RAB8B: variants seen among roughly 807,000 people sequenced by gnomAD.
RAB8B encodes ras-related protein Rab-8B.
RAB8B carries 11 observed loss-of-function variants against 32.0 expected under a neutral mutation model. The observed-to-expected ratio is 0.34, with a 90% CI of 0.22 to 0.57. RAB8B has a LOEUF of 0.57. RAB8B is among the 20% of genes least tolerant of loss of function. The pLI is 0.86. For missense variants in RAB8B, 190 were observed against 258.5 expected, an observed-to-expected ratio of 0.73 and a Z score of 1.82; for synonymous variants, 103 against 89.6, an observed-to-expected ratio of 1.15 and a Z score of -0.85.
chr15:63,249,204 C>T (rs964597970), intron 2 of RAB8B, among the ~76,000 whole-genome samples: 2 of 152,030 alleles, frequency 1.3e-5, no homozygotes, highest in Non-Finnish European at 2.9e-5. Flanking sequence ...GTAATAAGTC[C>T]AGCTCGATTG....
intron 1 of RAB8B, among the ~76,000 whole-genome samples, chr15:63,232,038 G>A (rs1000497558): frequency 2.0e-5 from 3 of 152,144 alleles, no homozygotes; most frequent in African/African-American, 7.2e-5. Flanking sequence ...AATCTCTGCT[G>A]GCTCCTTAAT....
chr15:63,243,945 G>A (rs1349851442), intron 1 of RAB8B, among the ~76,000 whole-genome samples: 1 of 152,142 alleles, frequency 6.6e-6, no homozygotes, highest in African/African-American at 2.4e-5. Flanking sequence ...AGAAAATGTA[G>A]GAGGAGCAGG....
At chr15:63,253,884 A>G (rs16946700) in intron 3 of RAB8B, among the ~76,000 whole-genome samples, 6,749 of 152,248 alleles carry the variant, frequency 0.044, 238 homozygotes, top group East Asian at 0.18. Flanking sequence ...GGGTTGTATT[A>G]CTTTCACCAA....
intron 1 of RAB8B, among the ~76,000 whole-genome samples, chr15:63,240,651 G>T (rs1042962180): frequency 6.6e-6 from 1 of 151,374 alleles, no homozygotes; most frequent in Non-Finnish European, 1.5e-5. Context: ...TGCAGCCGTT[G>T]TCTGTCAGTT....
chr15:63,232,928 T>G (rs2037947204), intron 1 of RAB8B, among the ~76,000 whole-genome samples: 1 of 142,538 alleles, frequency 7.0e-6, no homozygotes, highest in African/African-American at 2.6e-5. Context: ...TAAACAAAAA[T>G]TTAAATAGTT....
chr15:63,206,968 A>G (rs2037703111), intron 1 of RAB8B, among the ~76,000 whole-genome samples: 1 of 151,910 alleles, frequency 6.6e-6, no homozygotes. Flanking sequence ...ACTGTTTATT[A>G]TCTGCTCCTT....
Position 63,204,463 on chromosome 15 carries a change from A to G in RAB8B, c.124+14715A>G, listed in dbSNP as rs568886783. Among the ~76,000 whole-genome samples the G allele has an allele frequency of 5.3e-5, 8 of 152,286 alleles. No homozygotes were observed. The South Asian group carries it at 1.7e-3, about 32-fold the overall frequency. On this transcript the variant is annotated intron_variant, in intron 1 of 7. Coordinates refer to ENST00000321437, the MANE Select transcript of RAB8B (RefSeq NM_016530.3). ...ACATAAACAAAAAACAGCGTAGAAC[A>G]CCCTGTCTAGAAGGGACAAATGTTT...
At chr15:63,241,263 C>T (rs116402612) in intron 1 of RAB8B, among the ~76,000 whole-genome samples, 144 of 152,258 alleles carry the variant, frequency 9.5e-4, no homozygotes, top group African/African-American at 3.4e-3. Context: ...GCAGGAGAAT[C>T]GCTTGAACCC....
chr15:63,195,089 A>G (rs900602111), intron 1 of RAB8B, among the ~76,000 whole-genome samples: 2 of 152,206 alleles, frequency 1.3e-5, no homozygotes, highest in Non-Finnish European at 2.9e-5. Context: ...TCATTTTCAT[A>G]GTTGTTTTCC....
At chr15:63,209,513 C>T (rs374226863) in intron 1 of RAB8B, among the ~76,000 whole-genome samples, 1 of 152,054 alleles carries the variant, frequency 6.6e-6, no homozygotes, top group Non-Finnish European at 1.5e-5. Flanking sequence ...ATCGCTTGAA[C>T]CCGGGAGGCG....
intron 1 of RAB8B, among the ~76,000 whole-genome samples, chr15:63,197,817 G>A (rs2037616023): frequency 6.6e-6 from 1 of 152,132 alleles, no homozygotes; most frequent in South Asian, 2.1e-4. Flanking sequence ...GGTCCTGTCT[G>A]AGCTCAGCAA....
At chr15:63,224,000 G>A (rs1567013929) in intron 1 of RAB8B, 3 of 229,242 alleles carry the variant, frequency 1.3e-5, no homozygotes, top group East Asian at 1.9e-4. Flanking sequence ...CATTCTCTCC[G>A]TGTGGAGATA....
At position 63,264,432 on chromosome 15, in the gene RAB8B, ACTT is replaced by A. The variant is rs1310697209; in HGVS notation, c.*817_*819del. Reference sequence around the variant, plus strand: ...CATTATTATCTGTTTCTATTTGTGAACTTCTTGAGCTGAAATTTTACGTGGGCT... The same window carrying A: ...CATTATTATCTGTTTCTATTTGTGAACTTGAGCTGAAATTTTACGTGGGCT... On this transcript the variant is annotated 3_prime_UTR_variant, in exon 8 of 8. Coordinates refer to ENST00000321437, the MANE Select transcript of RAB8B (RefSeq NM_016530.3). 3.3e-5 allele frequency: 5 copies of A among 152,292 alleles called. No individual in the cohort carries two copies. The highest frequency in any genetic ancestry group is 6.5e-5 in the Admixed American group (1 of 15,296). 9.4% of individuals were successfully genotyped at this position (152,292 alleles called of 1,614,324 possible).
At chr15:63,220,983 A>G (rs528936093) in intron 1 of RAB8B, among the ~76,000 whole-genome samples, 3 of 152,234 alleles carry the variant, frequency 2.0e-5, no homozygotes, top group South Asian at 2.1e-4. Flanking sequence ...TGCCACATGC[A>G]TAATGATATG....
chr15:63,256,696 A>G (rs1378685851), intron 5 of RAB8B, 102 bp downstream of exon 5: 2 of 831,460 alleles, frequency 2.4e-6, no homozygotes, highest in Admixed American at 3.2e-5. Context: ...TCTGTGTTTT[A>G]ATCCCTTTAA....
At chr15:63,197,509 G>A (rs2037613205) in intron 1 of RAB8B, among the ~76,000 whole-genome samples, 1 of 151,366 alleles carries the variant, frequency 6.6e-6, no homozygotes, top group Non-Finnish European at 1.5e-5. Flanking sequence ...GAGTAGCTGG[G>A]ACCCCGGGTG....
At chr15:63,238,341 G>T (rs2038001303) in intron 1 of RAB8B, among the ~76,000 whole-genome samples, 1 of 152,134 alleles carries the variant, frequency 6.6e-6, no homozygotes, top group African/African-American at 2.4e-5. Context: ...GGGGCTAGGG[G>T]ATAAGCCAAG....
At chr15:63,222,911 T>C (rs1172793629) in intron 1 of RAB8B, 2 of 303,618 alleles carry the variant, frequency 6.6e-6, no homozygotes, top group Admixed American at 9.1e-5. Flanking sequence ...AATGTTGTAC[T>C]ACAGTTACCT....
intron 1 of RAB8B, among the ~76,000 whole-genome samples, chr15:63,221,058 C>T (rs551656694): frequency 6.6e-6 from 1 of 152,168 alleles, no homozygotes; most frequent in Admixed American, 6.5e-5. Flanking sequence ...AACTGGAGGA[C>T]AGAGGAGGTA....
Sources: gnomAD v4.1 joint callset for allele counts (sites outside exome capture counted in the v4.1 genomes callset) on GRCh38, gnomAD v4.1.1 for gene constraint, MANE v1.5 for transcripts, NCBI Gene and HGNC (gene_info 2026-07-23, HGNC 2026-07-21) for gene names.